The following CDH13 variants were observed in gnomAD, a reference collection of about 807,000 sequenced individuals.
CDH13 encodes cadherin-13.
In CDH13, 24 loss-of-function variants were observed where a neutral mutation model predicts 63.8. That is an observed-to-expected ratio of 0.38 (90% CI 0.27 to 0.53). The LOEUF (loss-of-function observed/expected upper bound fraction) is 0.53. CDH13 is among the 20% of genes least tolerant of loss of function. CDH13 has a pLI of 0.85. For synonymous variants in CDH13, 503 were observed against 355.3 expected, an observed-to-expected ratio of 1.42 and a Z score of -4.67; for missense variants, 1,049 against 903.1, an observed-to-expected ratio of 1.16 and a Z score of -2.07.
intron 1 of CDH13, among the ~76,000 whole-genome samples, chr16:82,784,000 G>T (rs1368170569): frequency 1.3e-5 from 2 of 152,150 alleles, no homozygotes; most frequent in African/African-American, 4.8e-5. Context: ...GGCTCTACAT[G>T]TTCCTGGAGG....
Position 83,044,643 on chromosome 16 carries a change from T to C in CDH13, c.366+12425T>C, listed in dbSNP as rs376356111. On this transcript the variant is annotated intron_variant, in intron 3 of 13. Coordinates refer to ENST00000567109, the MANE Select transcript of CDH13 (RefSeq NM_001257.5). ...AAACTATAATTTACAACTTTGTTTA[T>C]ATATGCATTACCCGATTTAAGCTCA... Among the ~76,000 whole-genome samples the C allele has an allele frequency of 5.1e-4, 78 of 152,378 alleles. 1 individual carries two copies. In the South Asian group the frequency reaches 9.3e-3, roughly 18 times the overall value.
chr16:83,764,407 A>C (rs754761172), intron 11 of CDH13, among the ~76,000 whole-genome samples: 1 of 152,220 alleles, frequency 6.6e-6, no homozygotes, highest in Admixed American at 6.5e-5. Context: ...CAACTATCTT[A>C]AACAGAACAT....
intron 11 of CDH13, among the ~76,000 whole-genome samples, chr16:83,766,608 T>C (rs114347615): frequency 5.9e-5 from 9 of 152,164 alleles, no homozygotes; most frequent in Non-Finnish European, 1.2e-4. Flanking sequence ...CTGGGAAGAT[T>C]TGGGACAAGT....
intron 6 of CDH13, among the ~76,000 whole-genome samples, chr16:83,385,629 G>C (rs910817410): frequency 6.6e-6 from 1 of 152,208 alleles, no homozygotes. Flanking sequence ...AAAAGGGATT[G>C]AGGTGACATT....
chr16:83,116,650 G>A (rs944985962), intron 3 of CDH13, among the ~76,000 whole-genome samples: 3 of 152,228 alleles, frequency 2.0e-5, no homozygotes, highest in African/African-American at 7.2e-5. Flanking sequence ...TAATGGGCAT[G>A]AGGTTTCATT....
At chr16:83,522,045 C>G (rs947468502) in intron 7 of CDH13, among the ~76,000 whole-genome samples, 7 of 152,170 alleles carry the variant, frequency 4.6e-5, no homozygotes, top group Non-Finnish European at 8.8e-5. Context: ...ATTCGGGTGC[C>G]AGGCCACCTT....
chr16:82,874,210 C>T (rs1294099902), intron 2 of CDH13, among the ~76,000 whole-genome samples: 1 of 152,136 alleles, frequency 6.6e-6, no homozygotes, highest in Non-Finnish European at 1.5e-5. Flanking sequence ...TTGGGTTTTG[C>T]TGCCAAATGA....
At chr16:82,982,499 C>T (rs1346495615) in intron 2 of CDH13, among the ~76,000 whole-genome samples, 1 of 152,146 alleles carries the variant, frequency 6.6e-6, no homozygotes, top group Non-Finnish European at 1.5e-5. Flanking sequence ...TTCCTGTATC[C>T]CTTGGCTTAG....
At chr16:83,063,970 A>G (rs1352138015) in intron 3 of CDH13, among the ~76,000 whole-genome samples, 1 of 152,192 alleles carries the variant, frequency 6.6e-6, no homozygotes, top group East Asian at 1.9e-4. Flanking sequence ...CAGGCTAAGT[A>G]TGAAAAATTT....
intron 2 of CDH13, among the ~76,000 whole-genome samples, chr16:82,902,780 C>G (rs998814037): frequency 6.6e-6 from 1 of 152,026 alleles, no homozygotes; most frequent in Non-Finnish European, 1.5e-5. Context: ...TCTGTATTTC[C>G]CACCAGATGT....
intron 1 of CDH13, among the ~76,000 whole-genome samples, chr16:82,701,916 A>G (rs1324744755): frequency 6.6e-6 from 1 of 151,706 alleles, no homozygotes; most frequent in East Asian, 1.9e-4. Context: ...ACGTGGACTT[A>G]GAATACAGGA....
chr16:83,428,043 G>C (rs983315968), intron 6 of CDH13, among the ~76,000 whole-genome samples: 1 of 152,156 alleles, frequency 6.6e-6, no homozygotes, highest in Non-Finnish European at 1.5e-5. Context: ...TCGGTCTCTG[G>C]TATATTTCCC....
chr16:83,535,958 A>C (rs1429594071), intron 7 of CDH13, among the ~76,000 whole-genome samples: 1 of 4,846 alleles, frequency 2.1e-4, no homozygotes, highest in Non-Finnish European at 2.2e-3. Flanking sequence ...GAAGGAAGAA[A>C]AGAAAAGAAA....
At chr16:83,303,013 G>C (rs950589651) in intron 5 of CDH13, among the ~76,000 whole-genome samples, 1 of 152,174 alleles carries the variant, frequency 6.6e-6, no homozygotes, top group Admixed American at 6.5e-5. Flanking sequence ...GTCATTTCCA[G>C]TCCAACAGTA....
rs78133997 is a variant in CDH13 at position 82,631,926 on chromosome 16, G to T, written c.45+4789G>T. Reference sequence around the variant, plus strand: ...AATGGAACTCATCTATCCCAAACCTGCAACTCTGGCTTCTGGGCAGAGGTT... The same window carrying T: ...AATGGAACTCATCTATCCCAAACCTTCAACTCTGGCTTCTGGGCAGAGGTT... On this transcript the variant is annotated intron_variant, in intron 1 of 13. Coordinates refer to ENST00000567109, the MANE Select transcript of CDH13 (RefSeq NM_001257.5). 9.8e-3 allele frequency among the ~76,000 whole-genome samples: 1,495 copies of T among 152,236 alleles called. 21 individuals are homozygous for T. The highest frequency in any genetic ancestry group is 0.035 in the African/African-American group (1,438 of 41,528).
chr16:83,184,013 A>G (rs976677662), intron 4 of CDH13, among the ~76,000 whole-genome samples: 1 of 150,906 alleles, frequency 6.6e-6, no homozygotes, highest in Admixed American at 6.6e-5. Context: ...AAGCCATAGC[A>G]CTGATTGTAG....
intron 5 of CDH13, among the ~76,000 whole-genome samples, chr16:83,236,030 T>C (rs183475307): frequency 6.6e-6 from 1 of 152,350 alleles, no homozygotes; most frequent in East Asian, 1.9e-4. Flanking sequence ...TGCATTTAAA[T>C]GCGTTTAAGA....
Position 83,551,953 on chromosome 16 carries a change from TG to T in CDH13, c.961-50499del, listed in dbSNP as rs773445037. The stretch of plus-strand genomic sequence containing the variant: ...ATGGATGGGTAGATAAGTGGATAGG[TG>T]GATGGATGGGTTGGTTAGCGGGTTA... On this transcript the variant is annotated intron_variant, in intron 7 of 13. Transcript: ENST00000567109. Among the ~76,000 whole-genome samples, 14 of 152,262 alleles carry T rather than the reference TG, an allele frequency of 9.2e-5. No homozygotes were observed. The East Asian group carries it at 2.5e-3, about 27-fold the overall frequency.
intron 2 of CDH13, among the ~76,000 whole-genome samples, chr16:83,012,052 T>C (rs1914215546): frequency 6.6e-6 from 1 of 152,184 alleles, no homozygotes; most frequent in Non-Finnish European, 1.5e-5. Flanking sequence ...TAGGTCTGTG[T>C]TACCCAGGAC....
Sources: gnomAD v4.1 joint callset for allele counts (sites outside exome capture counted in the v4.1 genomes callset) on GRCh38, gnomAD v4.1.1 for gene constraint, MANE v1.5 for transcripts, NCBI Gene and HGNC (gene_info 2026-07-23, HGNC 2026-07-21) for gene names.